Variants in MYO18B observed in about 807,000 individuals in gnomAD.
MYO18B encodes myosin XVIIIB, also known as unconventional myosin-XVIIIb.
A neutral mutation model predicts 273.0 loss-of-function variants in MYO18B; 204 were observed. The observed-to-expected ratio is 0.75, with a 90% CI of 0.67 to 0.84. The LOEUF is 0.84. Ranked by LOEUF, MYO18B falls within the 40% of genes least tolerant of loss-of-function variation. The pLI is 0.00. For synonymous variants in MYO18B, 1,330 were observed against 1,305.7 expected, an observed-to-expected ratio of 1.02 and a Z score of -0.40; for missense variants, 3,212 against 3,287.6, an observed-to-expected ratio of 0.98 and a Z score of 0.56.
At chr22:25,910,341 G>A (rs576271289) in intron 32 of MYO18B, among the ~76,000 whole-genome samples, 1 of 152,222 alleles carries the variant, frequency 6.6e-6, no homozygotes, top group Admixed American at 6.5e-5. Flanking sequence ...AAAGAGAGTG[G>A]AAGACAGCTT....
At chr22:25,811,717 A>G (rs1023923148) in intron 12 of MYO18B, among the ~76,000 whole-genome samples, 1 of 152,210 alleles carries the variant, frequency 6.6e-6, no homozygotes, top group African/African-American at 2.4e-5. Flanking sequence ...GGGACTGTCC[A>G]GAATGAATGG....
intron 39 of MYO18B, among the ~76,000 whole-genome samples, chr22:25,990,068 C>A (rs1249911569): frequency 6.6e-6 from 1 of 152,196 alleles, no homozygotes; most frequent in Non-Finnish European, 1.5e-5. Context: ...GTCCTTCCCG[C>A]CACCCCTTCT....
chr22:25,829,567 C>T (rs5761262), intron 15 of MYO18B, among the ~76,000 whole-genome samples: 11,505 of 151,186 alleles, frequency 0.076, 1,028 homozygotes, highest in African/African-American at 0.21. Context: ...AGGCCAGGCA[C>T]GGTGGCTCAT....
intron 39 of MYO18B, among the ~76,000 whole-genome samples, chr22:25,980,615 A>C (rs777908292): frequency 2.0e-5 from 3 of 152,262 alleles, no homozygotes; most frequent in Admixed American, 6.5e-5. Flanking sequence ...CAACATATTC[A>C]TGAAAAGCAG....
chr22:26,029,365 T>C (rs868572194), intron 43 of MYO18B, among the ~76,000 whole-genome samples: 2 of 152,304 alleles, frequency 1.3e-5, no homozygotes, highest in South Asian at 4.1e-4. Flanking sequence ...AAAAAGCCAT[T>C]GCCCCTTCCG....
At chr22:25,789,257 G>A (rs2087546579) in intron 11 of MYO18B, among the ~76,000 whole-genome samples, 1 of 151,846 alleles carries the variant, frequency 6.6e-6, no homozygotes, top group Non-Finnish European at 1.5e-5. Flanking sequence ...TTGGCAGCAC[G>A]TCTTGTTTTC....
chr22:25,969,933 C>CCAT (rs902143047), intron 39 of MYO18B, among the ~76,000 whole-genome samples: 2 of 152,096 alleles, frequency 1.3e-5, no homozygotes, highest in Non-Finnish European at 2.9e-5. Flanking sequence ...ATCATAATAA[C>CCAT]CATCATCATC....
chr22:25,867,859 C>T (rs2090935147), intron 21 of MYO18B, among the ~76,000 whole-genome samples: 1 of 152,136 alleles, frequency 6.6e-6, no homozygotes, highest in Non-Finnish European at 1.5e-5. Context: ...TCTCGATCTC[C>T]TGACCTCGTG....
At chr22:25,857,442 C>G (rs1212405045) in intron 21 of MYO18B, among the ~76,000 whole-genome samples, 1 of 151,828 alleles carries the variant, frequency 6.6e-6, no homozygotes, top group East Asian at 2.0e-4. Flanking sequence ...ATTCTGTCTC[C>G]CACCCTGGCA....
intron 7 of MYO18B, among the ~76,000 whole-genome samples, chr22:25,776,257 C>G (rs1200901576): frequency 1.3e-5 from 2 of 152,176 alleles, no homozygotes; most frequent in African/African-American, 4.8e-5. Context: ...CACTACTGTG[C>G]TTATTTGTTC....
chr22:25,789,094 T>C (rs7511387), intron 11 of MYO18B, among the ~76,000 whole-genome samples: 37 of 29,044 alleles, frequency 1.3e-3, no homozygotes, highest in African/African-American at 2.0e-3. Flanking sequence ...TCCTCCTCCT[T>C]CTTCTTCCTC....
intron 40 of MYO18B, among the ~76,000 whole-genome samples, chr22:25,999,812 C>T (rs1375665139): frequency 2.6e-5 from 4 of 151,992 alleles, no homozygotes; most frequent in Admixed American, 6.6e-5. Flanking sequence ...CACGCCACCA[C>T]ACCCGACTAA....
intron 21 of MYO18B, among the ~76,000 whole-genome samples, chr22:25,852,169 A>G (rs1044087660): frequency 1.3e-5 from 2 of 152,162 alleles, no homozygotes; most frequent in African/African-American, 4.8e-5. Context: ...ATTCTGATGA[A>G]CATCACTCCT....
At chr22:25,929,030 CG>C (rs1416942034) in intron 34 of MYO18B, among the ~76,000 whole-genome samples, 1 of 152,090 alleles carries the variant, frequency 6.6e-6, no homozygotes, top group East Asian at 1.9e-4. Context: ...GGCATGATGG[CG>C]CATGCCTGTA....
At chr22:25,996,644 T>TA (rs1933280562) in intron 40 of MYO18B, among the ~76,000 whole-genome samples, 1 of 151,894 alleles carries the variant, frequency 6.6e-6, no homozygotes, top group Admixed American at 6.6e-5. Context: ...CAATTGGAGT[T>TA]ACGAGGCCAG....
At chr22:25,903,327 C>T (rs1393202705) in intron 30 of MYO18B, 2 of 343,278 alleles carry the variant, frequency 5.8e-6, no homozygotes, top group Middle Eastern at 8.7e-4. Context: ...AGCTGTGTGC[C>T]TCCACTTCCC....
At chr22:25,809,708 A>G (rs1601762095) in intron 12 of MYO18B, among the ~76,000 whole-genome samples, 1 of 152,074 alleles carries the variant, frequency 6.6e-6, no homozygotes. Context: ...GACAATATCA[A>G]TAATGACAAG....
the MYO18B span, among the ~76,000 whole-genome samples, chr22:26,043,030 A>G: frequency 1.2e-4 from 18 of 152,284 alleles, no homozygotes; most frequent in East Asian, 3.3e-3. Context: ...ATCACCCTAG[A>G]AAGTTCCCTC....
chr22:25,793,665 CCT>C (rs1233604588), intron 11 of MYO18B, among the ~76,000 whole-genome samples: 2 of 152,166 alleles, frequency 1.3e-5, no homozygotes, highest in African/African-American at 4.8e-5. Flanking sequence ...CCAAACCTGG[CCT>C]CTCTCTGGAT....
Sources: allele counts gnomAD v4.1 joint callset (sites outside exome capture counted in the v4.1 genomes callset), GRCh38; gene constraint gnomAD v4.1.1; transcripts MANE v1.5; gene names NCBI Gene and HGNC (gene_info 2026-07-23, HGNC 2026-07-21).